The following SLC27A2 variants were observed in gnomAD, a reference collection of about 807,000 sequenced individuals.
SLC27A2 encodes the protein solute carrier family 27 member 2, also known as long-chain fatty acid transport protein 2.
Under a neutral mutation model 60.0 loss-of-function variants are expected in SLC27A2, and 54 were observed. The ratio of observed to expected loss-of-function variants is 0.90; its 90% CI spans 0.72 to 1.13. The LOEUF is 1.13. SLC27A2 is among the 50% of genes most tolerant of loss of function. The pLI is 0.00. For synonymous variants in SLC27A2, 297 were observed against 297.6 expected (o/e 1.00, Z 0.02); for missense variants, 739 against 777.6 (o/e 0.95, Z 0.59).
Position 50,205,299 on chromosome 15 carries a change from A to G in SLC27A2, c.908A>G (p.Lys303Arg), listed in dbSNP as rs1317392122. Residue 303 changes from lysine (K) to arginine (R), a missense_variant, in exon 4 of 10, where the codon AAA (lysine) becomes AGA (arginine). By Grantham distance (26) the Lys-to-Arg change is conservative. Coordinates refer to ENST00000267842, the MANE Select transcript of SLC27A2 (RefSeq NM_003645.4). Reference protein sequence around the residue: ...SASQFWDDCRKYNVTVIQYIG... With the variant: ...SASQFWDDCRRYNVTVIQYIG... ...AGCCAGTTTTGGGATGACTGCAGAA[A>G]ATACAACGTCACTGTCATTCAGTAT... is the stretch of plus-strand genomic sequence containing the variant. The G allele has an allele frequency of 6.2e-7, 1 of 1,611,060 alleles. No individual in the cohort carries two copies. The highest frequency in any genetic ancestry group is 1.3e-5 in the African/African-American group (1 of 74,864).
chr15:50,227,756 G>C (rs1331842289), intron 7 of SLC27A2, among the ~76,000 whole-genome samples: 1 of 152,188 alleles, frequency 6.6e-6, no homozygotes, highest in Admixed American at 6.5e-5. Context: ...AACTCCCTGA[G>C]GGCAGGCCCT....
At chr15:50,213,949 A>G (rs1414587072) in intron 4 of SLC27A2, among the ~76,000 whole-genome samples, 2 of 152,112 alleles carry the variant, frequency 1.3e-5, no homozygotes, top group East Asian at 3.9e-4. Context: ...GAAGAAGGGA[A>G]ATAACCAAGA....
chr15:50,214,347 A>G (rs1434148950), intron 4 of SLC27A2, among the ~76,000 whole-genome samples: 1 of 152,168 alleles, frequency 6.6e-6, no homozygotes, highest in Non-Finnish European at 1.5e-5. Context: ...GACAAAAAAA[A>G]GTCCAGGACC....
At chr15:50,231,512 T>TA (rs905527518) in intron 8 of SLC27A2, among the ~76,000 whole-genome samples, 8 of 151,656 alleles carry the variant, frequency 5.3e-5, no homozygotes, top group African/African-American at 7.2e-5. Context: ...TATCACAATT[T>TA]AAAAAAAAAC....
chr15:50,195,130 G>A (rs539692472), intron 1 of SLC27A2, among the ~76,000 whole-genome samples: 1 of 152,080 alleles, frequency 6.6e-6, no homozygotes, highest in South Asian at 2.1e-4. Flanking sequence ...CATATTTTTT[G>A]GTGATGGAAA....
At chr15:50,189,683 A>G (rs543807498) in intron 1 of SLC27A2, among the ~76,000 whole-genome samples, 1 of 152,332 alleles carries the variant, frequency 6.6e-6, no homozygotes, top group South Asian at 2.1e-4. Flanking sequence ...AGGTGTTGTT[A>G]TTGAATCTGA....
At position 50,227,039 on chromosome 15, in the gene SLC27A2, G is replaced by C; in HGVS notation, c.1318G>C (p.Gly440Arg). Residue 440 changes from glycine (G) to arginine (R), a missense_variant, in exon 7 of 10, where the codon GGA (glycine) becomes CGA (arginine). Physicochemically the swap from Gly to Arg is moderately radical, Grantham distance 125. Coordinates refer to ENST00000267842, the MANE Select transcript of SLC27A2 (RefSeq NM_003645.4). The stretch of plus-strand genomic sequence containing the variant: ...ACTTACACCATTTAATGGCTATGCT[G>C]GAGCAAAGGCTCAGACAGAGAAGAA... The part of the protein sequence containing the change: ...TQLTPFNGYA[G>R]AKAQTEKKKL... 1 of 1,614,170 alleles carries C rather than the reference G, an allele frequency of 6.2e-7. No homozygotes were observed. The highest frequency in any genetic ancestry group is 1.1e-5 in the South Asian group (1 of 91,076).
At chr15:50,222,786 G>A (rs1274940676) in intron 4 of SLC27A2, among the ~76,000 whole-genome samples, 179 bp from the exon 5 acceptor site, 1 of 152,130 alleles carries the variant, frequency 6.6e-6, no homozygotes, top group South Asian at 2.1e-4. Context: ...AATAGGGAAC[G>A]ATGTGTGTGG....
At chr15:50,224,320 A>G (rs925455440) in intron 5 of SLC27A2, among the ~76,000 whole-genome samples, 14 of 152,254 alleles carry the variant, frequency 9.2e-5, no homozygotes, top group East Asian at 5.8e-4. Flanking sequence ...GGAGCCTGTA[A>G]TCCCAGCTAC....
In SLC27A2 at chr15:50,182,323, G is replaced by A. The variant is rs2044860259; in HGVS notation, c.-105G>A. 1 of 1,328,866 alleles carries A rather than the reference G, an allele frequency of 7.5e-7. No homozygotes were observed. The highest frequency in any genetic ancestry group is 3.1e-5 in the East Asian group (1 of 32,174). The allele number at this position is 1,328,866 out of a possible 1,614,324, so 82.3% of individuals were successfully genotyped here. A position where few individuals can be genotyped will look rare whatever the true frequency, so the allele number is the denominator to read the frequency against. ...GCGAGCCCGGCGTCCCGCCGCGTGC[G>A]CCCCGGCGCAGCCCGCCAGTCCGCC... On this transcript the variant is annotated 5_prime_UTR_variant, in exon 1 of 10. Coordinates refer to ENST00000267842, the MANE Select transcript of SLC27A2 (RefSeq NM_003645.4).
chr15:50,196,065 AAAAAAAAAAAAAATATAT>A (rs2045015014), intron 1 of SLC27A2, among the ~76,000 whole-genome samples: 1 of 21,644 alleles, frequency 4.6e-5, no homozygotes, highest in African/African-American at 1.4e-4. Context: ...AAAAAAAAAA[AAAAAAAAAAAAAATATAT>A]ATATATATAT....
intron 2 of SLC27A2, among the ~76,000 whole-genome samples, chr15:50,201,941 G>A (rs545318349): frequency 5.9e-5 from 9 of 152,318 alleles, no homozygotes; most frequent in African/African-American, 9.6e-5. Context: ...ACTCTAGTAC[G>A]TAAGAAATCT....
rs766413430 is a variant in SLC27A2, at chr15:50,205,353, A to C, written c.962A>C (p.Asn321Thr). 2.8e-5 allele frequency: 45 copies of C among 1,605,628 alleles called. No homozygotes were observed. The highest frequency in any genetic ancestry group is 3.7e-5 in the Non-Finnish European group (43 of 1,174,588). The change falls in exon 4 of 10, where the codon AAC becomes ACC. Residue 321 changes from asparagine (N) to threonine (T), a missense_variant. Coordinates refer to ENST00000267842, the MANE Select transcript of SLC27A2 (RefSeq NM_003645.4). ...GGTGAACTGCTTCGGTATTTATGCA[A>C]CTCACCACAGGTAACACTCCCCCCG... ...YIGELLRYLC[N>T]SPQKPNDRDH...
chr15:50,191,736 AG>A (rs1314361171), intron 1 of SLC27A2, among the ~76,000 whole-genome samples: 6 of 152,226 alleles, frequency 3.9e-5, no homozygotes, highest in African/African-American at 1.4e-4. Flanking sequence ...AAATTATAAA[AG>A]GTAGATAGAT....
At chr15:50,217,794 G>A (rs572678134) in intron 4 of SLC27A2, among the ~76,000 whole-genome samples, 1 of 152,228 alleles carries the variant, frequency 6.6e-6, no homozygotes, top group African/African-American at 2.4e-5. Context: ...GGTGGCTCAC[G>A]CCTGTAATCC....
intron 1 of SLC27A2, 120 bp from the exon 2 acceptor site, chr15:50,197,380 A>G: frequency 1.6e-6 from 1 of 640,850 alleles, no homozygotes; most frequent in Non-Finnish European, 2.7e-6. Context: ...ATCATTTGTC[A>G]TGCCCACACA....
intron 4 of SLC27A2, among the ~76,000 whole-genome samples, chr15:50,217,440 G>C (rs2045207445): frequency 6.6e-6 from 1 of 152,054 alleles, no homozygotes; most frequent in Non-Finnish European, 1.5e-5. Flanking sequence ...GTACTAACCA[G>C]GGAGACCCCA....
chr15:50,189,029 G>A lies in SLC27A2; in HGVS notation c.478+6124G>A, dbSNP rs10674575. ...TAGATAGATAGATAGATAGATAGAT[G>A]CATACAAACATACATACATACATAC... On this transcript the variant is annotated intron_variant, in intron 1 of 9. Coordinates refer to ENST00000267842, the MANE Select transcript of SLC27A2 (RefSeq NM_003645.4). Among the ~76,000 whole-genome samples, 862 of 135,938 alleles carry A rather than the reference G, an allele frequency of 6.3e-3. 10 individuals are homozygous for A. The highest frequency in any genetic ancestry group is 0.022 in the African/African-American group (808 of 36,970). 89.2% of individuals were successfully genotyped at this position (135,938 alleles called of 152,430 possible). A position where few individuals can be genotyped will look rare whatever the true frequency, so the allele number is the denominator to read the frequency against.
At chr15:50,190,103 C>G (rs894479046) in intron 1 of SLC27A2, among the ~76,000 whole-genome samples, 6 of 152,138 alleles carry the variant, frequency 3.9e-5, no homozygotes, top group African/African-American at 1.4e-4. Flanking sequence ...GCATGTCTCT[C>G]TCTCTATATA....
Sources: allele counts gnomAD v4.1 joint callset (sites outside exome capture counted in the v4.1 genomes callset), GRCh38; gene constraint gnomAD v4.1.1; transcripts MANE v1.5; gene names NCBI Gene and HGNC (gene_info 2026-07-23, HGNC 2026-07-21).